The following FGF14 variants were observed in gnomAD, a reference collection of about 807,000 sequenced individuals.
FGF14 encodes fibroblast growth factor homologous factor 4.
FGF14 carries 5 observed loss-of-function variants against 25.5 expected under a neutral mutation model. That is an observed-to-expected ratio of 0.20 (90% CI 0.10 to 0.41). FGF14 has a LOEUF of 0.41. Ranked by LOEUF, FGF14 falls within the 10% of genes least tolerant of loss-of-function variation. The pLI is 1.00. For missense variants in FGF14, 222 were observed against 320.1 expected (o/e 0.69, Z 2.34); for synonymous variants, 138 against 118.3 (o/e 1.17, Z -1.08).
intron 1 of FGF14, among the ~76,000 whole-genome samples, chr13:102,070,582 TATG>T (rs1366731555): frequency 6.6e-6 from 1 of 152,222 alleles, no homozygotes; most frequent in East Asian, 1.9e-4. Context: ...CCTTCATTTC[TATG>T]ATTATTGCAG....
intron 1 of FGF14, among the ~76,000 whole-genome samples, chr13:102,250,570 T>C (rs1457442369): frequency 6.6e-6 from 1 of 152,168 alleles, no homozygotes; most frequent in Non-Finnish European, 1.5e-5. Flanking sequence ...TGGCATTGAA[T>C]ATTATGTTCC....
intron 3 of FGF14, among the ~76,000 whole-genome samples, chr13:101,820,235 T>C (rs72660395): frequency 2.2e-4 from 34 of 152,242 alleles, no homozygotes; most frequent in African/African-American, 3.6e-4. Flanking sequence ...TGTAATGAGA[T>C]TGTATAAAGA....
chr13:101,790,185 T>C (rs1222091661), intron 3 of FGF14, among the ~76,000 whole-genome samples: 1 of 151,690 alleles, frequency 6.6e-6, no homozygotes, highest in Non-Finnish European at 1.5e-5. Context: ...CAAGCTTTAT[T>C]TTTTAAAATA....
At chr13:101,845,955 C>G (rs1594458261) in intron 3 of FGF14, among the ~76,000 whole-genome samples, 2 of 152,092 alleles carry the variant, frequency 1.3e-5, no homozygotes, top group South Asian at 4.1e-4. Context: ...TGCCAATAAT[C>G]TGGCCAACAT....
intron 1 of FGF14, among the ~76,000 whole-genome samples, chr13:101,925,235 G>T (rs1050771057): frequency 1.3e-5 from 2 of 152,104 alleles, no homozygotes; most frequent in African/African-American, 2.4e-5. Flanking sequence ...TTTTTAGAAC[G>T]TTATTTTACA....
At chr13:102,324,500 C>T (rs2056356556) in intron 1 of FGF14, among the ~76,000 whole-genome samples, 1 of 152,152 alleles carries the variant, frequency 6.6e-6, no homozygotes, top group Non-Finnish European at 1.5e-5. Flanking sequence ...ATAAACAATA[C>T]CTAGCTTTCT....
intron 1 of FGF14, among the ~76,000 whole-genome samples, chr13:101,895,223 G>T (rs558848983): frequency 5.7e-4 from 86 of 152,102 alleles, no homozygotes; most frequent in Non-Finnish European, 1.1e-3. Flanking sequence ...ATGACTGTTT[G>T]GGAAAGATCA....
intron 1 of FGF14, among the ~76,000 whole-genome samples, chr13:101,915,570 C>G (rs1297113042): frequency 6.6e-6 from 1 of 152,126 alleles, no homozygotes; most frequent in Non-Finnish European, 1.5e-5. Context: ...GAGACAAAAG[C>G]GCCTGGCTCC....
chr13:102,300,633 T>A (rs2054985773), intron 1 of FGF14, among the ~76,000 whole-genome samples: 1 of 152,090 alleles, frequency 6.6e-6, no homozygotes, highest in African/African-American at 2.4e-5. Context: ...TACAACCCCA[T>A]CAGATTTTAA....
At chr13:101,862,627 T>C (rs1046099142) in intron 3 of FGF14, among the ~76,000 whole-genome samples, 1 of 152,176 alleles carries the variant, frequency 6.6e-6, no homozygotes, top group African/African-American at 2.4e-5. Flanking sequence ...GATAATGGCA[T>C]TCTTGGACAT....
At chr13:102,042,759 A>G (rs1014062364) in intron 1 of FGF14, among the ~76,000 whole-genome samples, 3 of 152,350 alleles carry the variant, frequency 2.0e-5, no homozygotes, top group African/African-American at 7.2e-5. Context: ...AATATAAAAA[A>G]CAGAGAACTC....
intron 1 of FGF14, among the ~76,000 whole-genome samples, chr13:102,184,948 C>T (rs546868527): frequency 6.6e-6 from 1 of 152,118 alleles, no homozygotes; most frequent in Non-Finnish European, 1.5e-5. Flanking sequence ...TAGGTACATG[C>T]TTAAATAAGA....
chr13:101,779,986 T>C (rs2140023061), intron 3 of FGF14, among the ~76,000 whole-genome samples: 1 of 152,280 alleles, frequency 6.6e-6, no homozygotes, highest in Non-Finnish European at 1.5e-5. Context: ...GGTTCTATGG[T>C]AAAGTATCAA....
intron 1 of FGF14, among the ~76,000 whole-genome samples, chr13:101,989,948 GATTT>G (rs1457844282): frequency 2.0e-5 from 3 of 152,074 alleles, no homozygotes; most frequent in Admixed American, 6.6e-5. Context: ...GCACACGCTG[GATTT>G]ATTATAAGAT....
chr13:101,797,884 T>A (rs1485036398), intron 3 of FGF14, among the ~76,000 whole-genome samples: 3 of 152,086 alleles, frequency 2.0e-5, no homozygotes, highest in African/African-American at 7.2e-5. Context: ...TCAATAATCA[T>A]TGTCTTGAAG....
chr13:102,142,157 T>C (rs2046669429), intron 1 of FGF14, among the ~76,000 whole-genome samples: 1 of 152,190 alleles, frequency 6.6e-6, no homozygotes, highest in South Asian at 2.1e-4. Flanking sequence ...AAAGTATTCA[T>C]ATTTGTCTAC....
At chr13:101,930,860 A>G (rs534125310) in intron 1 of FGF14, among the ~76,000 whole-genome samples, 20 of 152,338 alleles carry the variant, frequency 1.3e-4, no homozygotes, top group South Asian at 1.0e-3. Context: ...GGGACTTACA[A>G]TCATCTGGTC....
intron 1 of FGF14, among the ~76,000 whole-genome samples, chr13:102,011,331 TCTTA>T (rs1290474108): frequency 3.3e-5 from 5 of 152,242 alleles, no homozygotes; most frequent in Admixed American, 3.3e-4. Flanking sequence ...CCTTCCCTTT[TCTTA>T]CTTGATTATA....
chr13:102,249,674 T>C (rs2052069457), intron 1 of FGF14, among the ~76,000 whole-genome samples: 1 of 152,164 alleles, frequency 6.6e-6, no homozygotes, highest in Non-Finnish European at 1.5e-5. Flanking sequence ...ACTACACCTG[T>C]GTCTATTTCA....
Sources: allele counts gnomAD v4.1 joint callset (sites outside exome capture counted in the v4.1 genomes callset), GRCh38; gene constraint gnomAD v4.1.1; transcripts MANE v1.5; gene names NCBI Gene and HGNC (gene_info 2026-07-23, HGNC 2026-07-21).